SLC24A2: variants seen among roughly 807,000 people sequenced by gnomAD.
SLC24A2 encodes sodium/potassium/calcium exchanger 2.
Under a neutral mutation model 62.0 loss-of-function variants are expected in SLC24A2, and 36 were observed. The ratio of observed to expected loss-of-function variants is 0.58; its 90% CI spans 0.44 to 0.77. The LOEUF is 0.77. Ranked by LOEUF, SLC24A2 falls within the 30% of genes least tolerant of loss-of-function variation. The probability of loss-of-function intolerance (pLI) is 0.00; values close to 1 mark genes in which losing one functional copy is unlikely to be tolerated. For missense variants in SLC24A2, 846 were observed against 817.9 expected (o/e 1.03, Z -0.42); for synonymous variants, 358 against 294.0 (o/e 1.22, Z -2.23).
At chr9:20,229,885 C>G in the SLC24A2 span, among the ~76,000 whole-genome samples, 1 of 135,422 alleles carries the variant, frequency 7.4e-6, no homozygotes, top group Non-Finnish European at 1.6e-5. Flanking sequence ...CCTCCCCCCT[C>G]CCCCAACCCC....
intron 5 of SLC24A2, among the ~76,000 whole-genome samples, chr9:19,590,162 GTAA>G (rs1472410696): frequency 1.5e-4 from 1 of 6,710 alleles, no homozygotes; most frequent in Non-Finnish European, 2.1e-4. Context: ...AGAGGCTGTG[GTAA>G]CAACTAACTT....
chr9:20,034,722 C>T, the SLC24A2 span, among the ~76,000 whole-genome samples: 1 of 152,172 alleles, frequency 6.6e-6, no homozygotes, highest in East Asian at 1.9e-4. Flanking sequence ...CCCGCCTTGA[C>T]CTCCCAAAGT....
chr9:19,649,781 G>C (rs1263673866), intron 2 of SLC24A2, among the ~76,000 whole-genome samples: 1 of 152,230 alleles, frequency 6.6e-6, no homozygotes, highest in East Asian at 1.9e-4. Flanking sequence ...GAAAGAACTT[G>C]TCCAATTAGC....
the SLC24A2 span, among the ~76,000 whole-genome samples, chr9:19,813,167 A>G: frequency 3.3e-5 from 5 of 152,220 alleles, no homozygotes; most frequent in African/African-American, 1.2e-4. Context: ...GACACAATCA[A>G]AATCTCTACT....
the SLC24A2 span, among the ~76,000 whole-genome samples, chr9:20,014,179 G>T: frequency 6.6e-6 from 1 of 152,122 alleles, no homozygotes; most frequent in African/African-American, 2.4e-5. Flanking sequence ...CTGCATGCCA[G>T]CCTGGGTGAC....
the SLC24A2 span, among the ~76,000 whole-genome samples, chr9:20,291,777 G>A: frequency 1.3e-5 from 2 of 152,162 alleles, no homozygotes; most frequent in African/African-American, 4.8e-5. Context: ...GGACTTTGTA[G>A]CAGATCTAGG....
chr9:20,291,313 A>G, the SLC24A2 span, among the ~76,000 whole-genome samples: 4 of 152,138 alleles, frequency 2.6e-5, no homozygotes, highest in African/African-American at 9.7e-5. Flanking sequence ...AAATCAAGAA[A>G]GGCTTGCAGA....
At chr9:20,126,265 G>C in the SLC24A2 span, among the ~76,000 whole-genome samples, 2 of 152,098 alleles carry the variant, frequency 1.3e-5, no homozygotes, top group African/African-American at 4.8e-5. Flanking sequence ...AGTAGTTTAA[G>C]CATTTATTTA....
chr9:20,027,068 C>T, the SLC24A2 span, among the ~76,000 whole-genome samples: 1 of 152,078 alleles, frequency 6.6e-6, no homozygotes, highest in Non-Finnish European at 1.5e-5. Context: ...TAAAAAAGTG[C>T]TCAAAGATCA....
the SLC24A2 span, among the ~76,000 whole-genome samples, chr9:20,222,450 G>A: frequency 1.0e-3 from 152 of 152,092 alleles, 2 homozygotes; most frequent in Middle Eastern, 0.014. Flanking sequence ...TTTTGTTTTG[G>A]TATCCCATCT....
chr9:20,096,316 T>C, the SLC24A2 span, among the ~76,000 whole-genome samples: 1 of 152,202 alleles, frequency 6.6e-6, no homozygotes, highest in Non-Finnish European at 1.5e-5. Flanking sequence ...CACCTTAATC[T>C]ATAACTCATT....
chr9:20,176,938 C>A, the SLC24A2 span, among the ~76,000 whole-genome samples: 2 of 150,204 alleles, frequency 1.3e-5, no homozygotes, highest in Non-Finnish European at 3.0e-5. Flanking sequence ...AAAATTAGAA[C>A]TTCCTTACTA....
chr9:19,936,069 C>T, the SLC24A2 span, among the ~76,000 whole-genome samples: 1 of 152,114 alleles, frequency 6.6e-6, no homozygotes, highest in Non-Finnish European at 1.5e-5. Context: ...CAAGCATCAG[C>T]TTAAGCTCAA....
intron 1 of SLC24A2, 42 bp downstream of exon 1, chr9:19,788,843 A>G: frequency 2.0e-6 from 2 of 985,462 alleles, no homozygotes; most frequent in South Asian, 9.4e-5. Context: ...CGACCGCCAC[A>G]GCGGCTACAG....
chr9:19,522,777 T>C (rs1833262739), intron 9 of SLC24A2, among the ~76,000 whole-genome samples: 1 of 152,222 alleles, frequency 6.6e-6, no homozygotes, highest in Non-Finnish European at 1.5e-5. Flanking sequence ...TCAATCTGCA[T>C]ACCTAGGTGA....
the SLC24A2 span, among the ~76,000 whole-genome samples, chr9:19,858,165 C>A: frequency 1.3e-5 from 2 of 152,036 alleles, no homozygotes; most frequent in African/African-American, 4.8e-5. Flanking sequence ...ACACGTAGAC[C>A]AATGGAACAG....
At chr9:20,139,978 G>A in the SLC24A2 span, among the ~76,000 whole-genome samples, 18 of 152,296 alleles carry the variant, frequency 1.2e-4, no homozygotes, top group South Asian at 1.9e-3. Context: ...TATGCGGTGC[G>A]TTCCCTTCCA....
At chr9:19,976,789 C>G in the SLC24A2 span, among the ~76,000 whole-genome samples, 1 of 152,166 alleles carries the variant, frequency 6.6e-6, no homozygotes, top group Non-Finnish European at 1.5e-5. Flanking sequence ...CAAGGGACAA[C>G]TGTACTCTTT....
At chr9:19,987,049 T>C in the SLC24A2 span, among the ~76,000 whole-genome samples, 9 of 152,012 alleles carry the variant, frequency 5.9e-5, no homozygotes, top group African/African-American at 2.2e-4. Context: ...AACAGGAGAA[T>C]GGTAATAGAC....
Sources: gnomAD v4.1 joint callset for allele counts (sites outside exome capture counted in the v4.1 genomes callset) on GRCh38, gnomAD v4.1.1 for gene constraint, MANE v1.5 for transcripts, NCBI Gene and HGNC (gene_info 2026-07-23, HGNC 2026-07-21) for gene names.